Variants in MAX observed in about 807,000 individuals in gnomAD.
The protein encoded by MAX is MYC associated transcriptional regulator X.
MAX carries 3 observed loss-of-function variants against 22.3 expected under a neutral mutation model. That is an observed-to-expected ratio of 0.13 (90% CI 0.06 to 0.35). The LOEUF is 0.35. Ranked by LOEUF, MAX falls within the 10% of genes least tolerant of loss-of-function variation. The pLI, the probability that MAX is intolerant of heterozygous loss-of-function variation, is 1.00. For synonymous variants in MAX, 72 were observed against 77.7 expected (o/e 0.93, Z 0.39); for missense variants, 119 against 209.4 (o/e 0.57, Z 2.66).
rs558779142 is a variant in MAX, at chr14:65,050,318, G to A, written c.171+43390C>T. ...TTTTAAAAAGTAACTAAAGCTGGCC[G>A]GGCGTGGTGGCTCACGCCTGTAATC... On this transcript the variant is annotated intron_variant, in intron 3 of 3. Coordinates refer to the MAX transcript ENST00000341653. Among the ~76,000 whole-genome samples, 144 of 152,292 alleles carry A rather than the reference G, an allele frequency of 9.5e-4. 8 individuals carry two copies. The South Asian group carries it at 0.024, about 25-fold the overall frequency.
chr14:65,061,074 G>C lies in MAX; in HGVS notation c.171+32634C>G, dbSNP rs1349730493. The C allele has an allele frequency of 9.8e-6, 15 of 1,526,334 alleles. No homozygotes were observed. The South Asian group carries it at 1.4e-4, about 14-fold the overall frequency. The allele number at this position is 1,526,334 out of a possible 1,614,324, so 94.5% of individuals were successfully genotyped here. A position where few individuals can be genotyped will look rare whatever the true frequency, so the allele number is the denominator to read the frequency against. On this transcript the variant is annotated intron_variant, in intron 3 of 3. Coordinates refer to the MAX transcript ENST00000341653. ...ACCTTTGGGCTTTGTGTGTATCTCT[G>C]ATTCCTTATACTAAATTCTTAGAAG...
Position 65,014,632 on chromosome 14 carries a change from AGT to A in MAX, c.172-8350_172-8349del, listed in dbSNP as rs1258043961. ...AGTTCAAGACCAGCCTGGGCAACAT[AGT>A]GGGATGCTGTCTCTATAAAAACTTA... On this transcript the variant is annotated intron_variant, in intron 3 of 3. Coordinates refer to the MAX transcript ENST00000341653. The surrounding 1 kb of genome is among the most constrained non-coding windows in gnomAD (Gnocchi z 5.1). 6.6e-6 allele frequency among the ~76,000 whole-genome samples: 1 copy of A among 152,094 alleles called. No homozygotes were observed. Among genetic ancestry groups the A allele is most frequent in the Non-Finnish European group, 1.5e-5 (1 of 68,020 alleles).
At chr14:65,094,425 C>A (rs2063602655) in intron 2 of MAX, among the ~76,000 whole-genome samples, 1 of 152,248 alleles carries the variant, frequency 6.6e-6, no homozygotes, top group Non-Finnish European at 1.5e-5. Context: ...GATAAGATGA[C>A]AACTGAATTC....
Position 65,032,354 on chromosome 14 carries a change from T to G in MAX, c.172-26070A>C. Reference sequence around the variant, plus strand: ...TTGATATGGCTGTTATTTCCTCTGATGTAGATTGGACCATGTGGAGGTAGG... The same window carrying G: ...TTGATATGGCTGTTATTTCCTCTGAGGTAGATTGGACCATGTGGAGGTAGG... On this transcript the variant is annotated intron_variant, in intron 3 of 3. Transcript: ENST00000341653. The surrounding 1 kb of genome is among the most constrained non-coding windows in gnomAD (Gnocchi z 5.0). The G allele has an allele frequency of 2.8e-6, 1 of 359,292 alleles. No individual in the cohort carries two copies. Among genetic ancestry groups the G allele is most frequent in the Non-Finnish European group, 5.0e-6 (1 of 198,776 alleles). The allele number at this position is 359,292 out of a possible 1,614,324, so 22.3% of individuals were successfully genotyped here.
At chr14:65,037,752 ATTTATTTATTTATTTAT>A (rs2062242441) in intron 3 of MAX, among the ~76,000 whole-genome samples, 2 of 103,958 alleles carry the variant, frequency 1.9e-5, no homozygotes, top group Admixed American at 9.9e-5. Flanking sequence ...TTATTTATTT[ATTTATTTATTTATTTAT>A]TTATTTATTT....
At position 65,029,115 on chromosome 14, in the gene MAX, T is replaced by G. The variant is rs2062034950; in HGVS notation, c.172-22831A>C. Reference sequence around the variant, plus strand: ...CCCCTGCCAAGCACTGTAGCCATATTCTTCCCTGACCTTTGCTCTTTGGGT... The same window carrying G: ...CCCCTGCCAAGCACTGTAGCCATATGCTTCCCTGACCTTTGCTCTTTGGGT... On this transcript the variant is annotated intron_variant, in intron 3 of 3. Transcript: ENST00000341653. This position sits in a 1 kb window ranked among gnomAD's most constrained non-coding sequence, Gnocchi z 4.7. 6.6e-6 allele frequency among the ~76,000 whole-genome samples: 1 copy of G among 152,242 alleles called. No homozygotes were observed. The highest frequency in any genetic ancestry group is 1.5e-5 in the Non-Finnish European group (1 of 68,050).
chr14:65,033,108 T>C (rs536848748), intron 3 of MAX, among the ~76,000 whole-genome samples: 23 of 152,278 alleles, frequency 1.5e-4, no homozygotes, highest in African/African-American at 5.5e-4. Context: ...GATTCAGTGC[T>C]CATAAGCACG....
Position 65,007,532 on chromosome 14 carries a change from C to G in MAX, c.172-1248G>C, listed in dbSNP as rs992936779. Among the ~76,000 whole-genome samples the G allele has an allele frequency of 6.6e-6, 1 of 152,188 alleles. No homozygotes were observed. Among genetic ancestry groups the G allele is most frequent in the Non-Finnish European group, 1.5e-5 (1 of 68,036 alleles). On this transcript the variant is annotated intron_variant, in intron 3 of 3. Transcript: ENST00000341653. This position sits in a 1 kb window ranked among gnomAD's most constrained non-coding sequence, Gnocchi z 4.9. ...ATAGCAGACTGGGCTGAAAGTCAAG[C>G]CTGGAGCTGAATGTCAGTACATTCT...
intron 3 of MAX, among the ~76,000 whole-genome samples, chr14:65,051,951 T>C (rs2062624523): frequency 6.6e-6 from 1 of 151,844 alleles, no homozygotes; most frequent in African/African-American, 2.4e-5. Context: ...CCCACCACCA[T>C]GTCCGGCTAA....
Position 65,077,643 on chromosome 14 carries a change from C to A in MAX, c.295+270G>T. On this transcript the variant is annotated intron_variant, in intron 4 of 4. Transcript: ENST00000358664. The surrounding 1 kb of genome is among the most constrained non-coding windows in gnomAD (Gnocchi z 6.3). The stretch of plus-strand genomic sequence containing the variant: ...TGTGATCCCTACTGCAGGCAGAGCA[C>A]CTGAGCCCCAAGAAGGGGAGAGGTC... The A allele has an allele frequency of 7.5e-7, 1 of 1,340,492 alleles. No homozygotes were observed. The highest frequency in any genetic ancestry group is 1.3e-5 in the South Asian group (1 of 79,346). The allele number at this position is 1,340,492 out of a possible 1,614,324, so 83.0% of individuals were successfully genotyped here.
At chr14:65,059,818 A>G (rs1456684079) in intron 3 of MAX, among the ~76,000 whole-genome samples, 1 of 149,162 alleles carries the variant, frequency 6.7e-6, no homozygotes, top group Non-Finnish European at 1.5e-5. Context: ...ACTACATATT[A>G]GGGTTGTGGT....
chr14:65,044,640 T>G lies in MAX; in HGVS notation c.172-38356A>C. 1 of 810,200 alleles carries G rather than the reference T, an allele frequency of 1.2e-6. No homozygotes were observed. The highest frequency in any genetic ancestry group is 1.8e-6 in the Non-Finnish European group (1 of 563,220). 50.2% of individuals were successfully genotyped at this position (810,200 alleles called of 1,614,324 possible). Reference sequence around the variant, plus strand: ...TTTAGTTTCATTGGTTTAGTGTCATTCTTTGCTTCTTCAAATTGGCTGCGA... The same window carrying G: ...TTTAGTTTCATTGGTTTAGTGTCATGCTTTGCTTCTTCAAATTGGCTGCGA... On this transcript the variant is annotated intron_variant, in intron 3 of 3. Coordinates refer to the MAX transcript ENST00000341653. The surrounding 1 kb of genome is among the most constrained non-coding windows in gnomAD (Gnocchi z 5.5).
downstream of MAX, among the ~76,000 whole-genome samples, chr14:65,071,700 G>A (rs1316138677): frequency 6.6e-6 from 1 of 152,198 alleles, no homozygotes; most frequent in African/African-American, 2.4e-5. This position sits in a 1 kb window ranked among gnomAD's most constrained non-coding sequence, Gnocchi z 4.2. Context: ...CGGGCTCAGA[G>A]CCCCTAGCCC....
In MAX at chr14:65,093,344, T is replaced by C. The variant is rs1484180771; in HGVS notation, c.171+364A>G. 1.3e-5 allele frequency among the ~76,000 whole-genome samples: 2 copies of C among 152,220 alleles called. No individual in the cohort carries two copies. Among genetic ancestry groups the C allele is most frequent in the Non-Finnish European group, 2.9e-5 (2 of 68,038 alleles). On this transcript the variant is annotated intron_variant, in intron 3 of 4. Transcript: ENST00000358664. The surrounding 1 kb of genome is among the most constrained non-coding windows in gnomAD (Gnocchi z 4.4). The stretch of plus-strand genomic sequence containing the variant: ...TTGAACCATAGGAAAGGAATTCTCA[T>C]GGAGGTCTAGGGTATTAATGACCTC...
In MAX at chr14:65,062,345, C is replaced by G. The variant is rs2062880550; in HGVS notation, c.171+31363G>C. ...CAAGTGCTAGACACACTGGCTGCTA[C>G]TAAGGCACTAGCCTCTGTAGCTGGT... On this transcript the variant is annotated intron_variant, in intron 3 of 3. Coordinates refer to the MAX transcript ENST00000341653. The surrounding 1 kb of genome is among the most constrained non-coding windows in gnomAD (Gnocchi z 4.3). 6.6e-6 allele frequency: 1 copy of G among 152,382 alleles called. No individual in the cohort carries two copies. The highest frequency in any genetic ancestry group is 1.5e-5 in the Non-Finnish European group (1 of 68,068). 9.4% of individuals were successfully genotyped at this position (152,382 alleles called of 1,614,324 possible). A position where few individuals can be genotyped will look rare whatever the true frequency, so the allele number is the denominator to read the frequency against.
chr14:65,021,890 C>T, intron 3 of MAX: 1 of 455,510 alleles, frequency 2.2e-6, no homozygotes, highest in South Asian at 1.5e-5. Flanking sequence ...AAGTGATCCG[C>T]CCACGTCGGC....
At position 65,031,979 on chromosome 14, in the gene MAX, C is replaced by CGTGTGTGTGTGTGTGTGTGT. The variant is rs563468928; in HGVS notation, c.172-25715_172-25696dup. The stretch of plus-strand genomic sequence containing the variant: ...ATAGACGTGCGCCTTTTTCATTTAA[C>CGTGTGTGTGTGTGTGTGTGT]GTGTGTGTGTGTGTGTGTGTGTGTG... On this transcript the variant is annotated intron_variant, in intron 3 of 3. Coordinates refer to the MAX transcript ENST00000341653. This position sits in a 1 kb window ranked among gnomAD's most constrained non-coding sequence, Gnocchi z 4.6. 1.3e-3 allele frequency among the ~76,000 whole-genome samples: 180 copies of CGTGTGTGTGTGTGTGTGTGT among 141,270 alleles called. No individual in the cohort carries two copies. The highest frequency in any genetic ancestry group is 4.6e-3 in the African/African-American group (174 of 37,874). 92.7% of individuals were successfully genotyped at this position (141,270 alleles called of 152,430 possible). A position where few individuals can be genotyped will look rare whatever the true frequency, so the allele number is the denominator to read the frequency against.
At chr14:65,073,184 G>A (rs975966858), downstream of MAX, among the ~76,000 whole-genome samples, 1 of 152,158 alleles carries the variant, frequency 6.6e-6, no homozygotes, top group East Asian at 1.9e-4. Flanking sequence ...AGATGCTGAG[G>A]CTGGGAGAAG....
chr14:65,013,574 G>A (rs958476305), intron 3 of MAX, among the ~76,000 whole-genome samples: 3 of 152,178 alleles, frequency 2.0e-5, no homozygotes, highest in Non-Finnish European at 2.9e-5. Context: ...TTATGAGATG[G>A]AGTCTCGCTG....
Sources: gnomAD v4.1 joint callset for allele counts (sites outside exome capture counted in the v4.1 genomes callset) on GRCh38, gnomAD v4.1.1 for gene constraint, Gnocchi (gnomAD v3.1) non-coding constraint, MANE v1.5 for transcripts, NCBI Gene and HGNC (gene_info 2026-07-23, HGNC 2026-07-21) for gene names.